Variants in GRM7 observed in about 807,000 individuals in gnomAD.
GRM7 encodes the protein glutamate metabotropic receptor 7, also known as metabotropic glutamate receptor 7.
In GRM7, 35 loss-of-function variants were observed where a neutral mutation model predicts 84.5. The observed-to-expected ratio is 0.41, with a 90% CI of 0.32 to 0.55. The LOEUF is 0.55. Ranked by LOEUF, GRM7 falls within the 20% of genes least tolerant of loss-of-function variation. The pLI is 0.19. For synonymous variants in GRM7, 487 were observed against 455.1 expected (o/e 1.07, Z -0.89); for missense variants, 1,003 against 1,194.6 (o/e 0.84, Z 2.36).
At chr3:6,972,116 G>A (rs2125095170) in intron 1 of GRM7, among the ~76,000 whole-genome samples, 1 of 152,246 alleles carries the variant, frequency 6.6e-6, no homozygotes, top group South Asian at 2.1e-4. Context: ...AGTTAAATAT[G>A]TAAAAAGGGG....
intron 7 of GRM7, among the ~76,000 whole-genome samples, chr3:7,538,985 TCAG>T (rs3840241): frequency 0.29 from 44,374 of 151,930 alleles, 6,775 homozygotes; most frequent in Middle Eastern, 0.37. Context: ...AGAGGAACTC[TCAG>T]CAGCCCCACA....
At chr3:7,233,608 A>G (rs1697260753) in intron 2 of GRM7, among the ~76,000 whole-genome samples, 1 of 152,150 alleles carries the variant, frequency 6.6e-6, no homozygotes, top group African/African-American at 2.4e-5. Flanking sequence ...AATTGTACCA[A>G]CTATGAGTAA....
At chr3:7,518,072 A>G (rs1199146539) in intron 7 of GRM7, among the ~76,000 whole-genome samples, 3 of 152,182 alleles carry the variant, frequency 2.0e-5, no homozygotes, top group Non-Finnish European at 2.9e-5. Flanking sequence ...CGGTGAGGAT[A>G]ATTCATTTCT....
At chr3:7,317,038 T>G (rs924558391) in intron 4 of GRM7, among the ~76,000 whole-genome samples, 34 of 152,134 alleles carry the variant, frequency 2.2e-4, no homozygotes, top group Non-Finnish European at 5.9e-5. Flanking sequence ...CGTAACTGTT[T>G]TTAGAGTGGA....
chr3:7,344,101 TA>T (rs894129201), intron 4 of GRM7, among the ~76,000 whole-genome samples: 3 of 152,172 alleles, frequency 2.0e-5, no homozygotes, highest in African/African-American at 7.2e-5. Flanking sequence ...TTTTTTTTTT[TA>T]ACTTTTAAGT....
chr3:7,152,200 C>G (rs1694308086), intron 2 of GRM7, among the ~76,000 whole-genome samples: 1 of 152,130 alleles, frequency 6.6e-6, no homozygotes, highest in Admixed American at 6.5e-5. Flanking sequence ...TTAACTCATG[C>G]TTCATTTGTT....
chr3:7,186,931 A>C (rs1695535718), intron 2 of GRM7, among the ~76,000 whole-genome samples: 1 of 152,124 alleles, frequency 6.6e-6, no homozygotes, highest in Non-Finnish European at 1.5e-5. Flanking sequence ...CAAAGTTAAT[A>C]ATTGGAGTCT....
chr3:7,652,119 G>C (rs4686151), intron 8 of GRM7, among the ~76,000 whole-genome samples: 52,703 of 152,038 alleles, frequency 0.35, 9,349 homozygotes, highest in Non-Finnish European at 0.37. Context: ...GTGAATGGCA[G>C]CTGGCTTGTT....
intron 1 of GRM7, among the ~76,000 whole-genome samples, chr3:7,079,834 G>A (rs1209706616): frequency 2.0e-5 from 3 of 152,160 alleles, no homozygotes; most frequent in Non-Finnish European, 4.4e-5. Context: ...GTGGTGTCTT[G>A]TGTGAATCCC....
intron 4 of GRM7, among the ~76,000 whole-genome samples, chr3:7,331,344 G>C (rs1393126863): frequency 6.6e-6 from 1 of 152,224 alleles, no homozygotes; most frequent in African/African-American, 2.4e-5. Flanking sequence ...AATCCTAACA[G>C]ACAGAGCTGG....
chr3:7,298,775 C>T lies in GRM7; in HGVS notation c.828C>T (p.Asp276=). 1.9e-6 allele frequency: 3 copies of T among 1,613,400 alleles called. No individual in the cohort carries two copies. Among genetic ancestry groups the T allele is most frequent in the Non-Finnish European group, 2.5e-6 (3 of 1,179,390 alleles). Residue 276 remains aspartate (D), a synonymous_variant, in exon 3 of 10, where the codon GAC becomes GAT. Transcript: ENST00000357716. Reference sequence around the variant, plus strand: ...ATAGAATTATCAAACAGCTCCTGGACACCCCCAACTCCAGGGCCGTCGTGA... The same window carrying T: ...ATAGAATTATCAAACAGCTCCTGGATACCCCCAACTCCAGGGCCGTCGTGA... ...DFDRIIKQLL[D]TPNSRAVVIF...
At chr3:7,494,683 G>A (rs1699637407) in intron 7 of GRM7, among the ~76,000 whole-genome samples, 3 of 152,060 alleles carry the variant, frequency 2.0e-5, no homozygotes, top group African/African-American at 7.2e-5. Flanking sequence ...GTTCTGATGT[G>A]TCCTCTACTT....
intron 7 of GRM7, among the ~76,000 whole-genome samples, chr3:7,576,808 T>C (rs1242169067): frequency 6.6e-6 from 1 of 152,216 alleles, no homozygotes. Flanking sequence ...ATACTAAAAC[T>C]ATTTCATGCA....
At position 7,416,423 on chromosome 3, in the gene GRM7, C is replaced by T. The variant is rs1696161509; in HGVS notation, c.1174+1260C>T. Among the ~76,000 whole-genome samples the T allele has an allele frequency of 2.0e-5, 3 of 152,124 alleles. No individual in the cohort carries two copies. The South Asian group carries it at 6.2e-4, about 31-fold the overall frequency. The stretch of plus-strand genomic sequence containing the variant: ...AGACACATTCATGTGGGACACAGTT[C>T]TGCCTCTAGTCTCTCTTTGTAATGT... On this transcript the variant is annotated intron_variant, in intron 5 of 9. Transcript: ENST00000357716.
intron 1 of GRM7, among the ~76,000 whole-genome samples, chr3:6,927,225 T>C (rs1434674160): frequency 2.0e-5 from 3 of 152,002 alleles, no homozygotes; most frequent in Non-Finnish European, 4.4e-5. Context: ...GCCAGGAGTT[T>C]GAGACCGGCC....
At chr3:7,702,417 G>A (rs555780900) in intron 9 of GRM7, among the ~76,000 whole-genome samples, 1 of 152,236 alleles carries the variant, frequency 6.6e-6, no homozygotes, top group South Asian at 2.1e-4. Context: ...TACAACCTTT[G>A]CCATGCATGC....
chr3:7,138,323 A>G (rs1693836251), intron 1 of GRM7, among the ~76,000 whole-genome samples: 2 of 151,998 alleles, frequency 1.3e-5, no homozygotes, highest in Admixed American at 1.3e-4. Context: ...CCTTTTTATC[A>G]CTGAGAGCTA....
chr3:7,668,737 G>T (rs1169445566), intron 8 of GRM7, among the ~76,000 whole-genome samples: 3 of 152,214 alleles, frequency 2.0e-5, no homozygotes, highest in African/African-American at 4.8e-5. Flanking sequence ...AGTGGCTGTG[G>T]GGACCATCAT....
At chr3:7,734,905 T>C (rs1427087426) in intron 9 of GRM7, among the ~76,000 whole-genome samples, 1 of 152,180 alleles carries the variant, frequency 6.6e-6, no homozygotes, top group Non-Finnish European at 1.5e-5. Flanking sequence ...ATACAGGAAG[T>C]TTAGTAGCTT....
Sources: allele counts gnomAD v4.1 joint callset (sites outside exome capture counted in the v4.1 genomes callset), GRCh38; gene constraint gnomAD v4.1.1; transcripts MANE v1.5; gene names NCBI Gene and HGNC (gene_info 2026-07-23, HGNC 2026-07-21).